CYP39A1: variants seen among roughly 807,000 people sequenced by gnomAD.
CYP39A1 encodes the protein cytochrome P450 family 39 subfamily A member 1, also known as 24-hydroxycholesterol 7-alpha-hydroxylase.
A neutral mutation model predicts 58.1 loss-of-function variants in CYP39A1; 49 were observed. The ratio of observed to expected loss-of-function variants is 0.84; its 90% CI spans 0.67 to 1.07. The LOEUF is 1.07. Ranked by LOEUF, CYP39A1 falls within the 50% of genes least tolerant of loss-of-function variation. CYP39A1 has a pLI of 0.00. For synonymous variants in CYP39A1, 209 were observed against 187.6 expected (o/e 1.11, Z -0.93); for missense variants, 531 against 539.4 (o/e 0.98, Z 0.16).
chr6:46,576,197 G>A (rs1303746232), intron 10 of CYP39A1, among the ~76,000 whole-genome samples: 1 of 152,156 alleles, frequency 6.6e-6, no homozygotes, highest in African/African-American at 2.4e-5. Flanking sequence ...ACAGAGCCAA[G>A]AGGGATGGTA....
At chr6:46,551,353 AC>A in intron 11 of CYP39A1, among the ~76,000 whole-genome samples, 1 of 143,680 alleles carries the variant, frequency 7.0e-6, no homozygotes, top group Admixed American at 7.0e-5. Flanking sequence ...GGTTCTATGA[AC>A]CCCAAAAGTA....
At chr6:46,575,327 T>C (rs746869075) in intron 10 of CYP39A1, among the ~76,000 whole-genome samples, 1 of 152,212 alleles carries the variant, frequency 6.6e-6, no homozygotes. Flanking sequence ...TAGCCTTTGT[T>C]AGCTGCTGGA....
intron 10 of CYP39A1, among the ~76,000 whole-genome samples, chr6:46,559,237 G>T (rs1269385154): frequency 6.6e-6 from 1 of 152,136 alleles, no homozygotes; most frequent in Non-Finnish European, 1.5e-5. Context: ...TACTCAGACT[G>T]AGAAATGACC....
intron 7 of CYP39A1, among the ~76,000 whole-genome samples, chr6:46,598,980 C>T (rs1773333263): frequency 6.6e-6 from 1 of 152,178 alleles, no homozygotes; most frequent in African/African-American, 2.4e-5. Flanking sequence ...CCACACCTTC[C>T]TATCTACTTT....
Position 46,652,655 on chromosome 6 carries a change from G to T in CYP39A1, c.-73C>A. 7.1e-7 allele frequency: 1 copy of T among 1,416,242 alleles called. No homozygotes were observed. The highest frequency in any genetic ancestry group is 9.4e-7 in the Non-Finnish European group (1 of 1,060,936). The allele number at this position is 1,416,242 out of a possible 1,614,324, so 87.7% of individuals were successfully genotyped here. A position where few individuals can be genotyped will look rare whatever the true frequency, so the allele number is the denominator to read the frequency against. ...GCCGTCCCTTGCTTCTTTTCTGTGG[G>T]CTACGGAACCTGTCGGGACTCCCAA... On this transcript the variant is annotated 5_prime_UTR_variant, in exon 1 of 12. Transcript: ENST00000275016.
chr6:46,625,325 A>AT, intron 7 of CYP39A1, 93 bp downstream of exon 7: 1 of 879,716 alleles, frequency 1.1e-6, no homozygotes, highest in Non-Finnish European at 1.7e-6. Flanking sequence ...ATTATGTTGA[A>AT]TTTTTATAAA....
At chr6:46,639,696 A>G in intron 2 of CYP39A1, 28 bp from the exon 3 acceptor site, 1 of 1,578,582 alleles carries the variant, frequency 6.3e-7, no homozygotes, top group East Asian at 2.3e-5. Flanking sequence ...TATTTTCAAA[A>G]TAAGCAACAA....
chr6:46,617,397 TC>T (rs1774676394), intron 7 of CYP39A1, among the ~76,000 whole-genome samples: 1 of 152,128 alleles, frequency 6.6e-6, no homozygotes, highest in Admixed American at 6.5e-5. Context: ...AGATTGTGAT[TC>T]TGCATGCAAA....
chr6:46,550,563 G>T, intron 11 of CYP39A1, 126 bp from the exon 12 acceptor site: 1 of 701,826 alleles, frequency 1.4e-6, no homozygotes, highest in Non-Finnish European at 2.3e-6. Context: ...GTTGGGAAAT[G>T]TTTGCATCAA....
At chr6:46,618,691 A>T (rs1774766928) in intron 7 of CYP39A1, among the ~76,000 whole-genome samples, 1 of 151,234 alleles carries the variant, frequency 6.6e-6, no homozygotes, top group Admixed American at 6.6e-5. Flanking sequence ...TGTATTACGT[A>T]TTTTTTTTTA....
intron 8 of CYP39A1, among the ~76,000 whole-genome samples, chr6:46,589,101 AT>A (rs1449321043): frequency 6.6e-6 from 1 of 152,164 alleles, no homozygotes; most frequent in African/African-American, 2.4e-5. Flanking sequence ...TCCTCAAGAT[AT>A]TTGAAAAACT....
At chr6:46,602,192 G>A (rs890121087) in intron 7 of CYP39A1, among the ~76,000 whole-genome samples, 7 of 152,160 alleles carry the variant, frequency 4.6e-5, no homozygotes, top group Non-Finnish European at 5.9e-5. Context: ...GTCTAAAATG[G>A]TGGAAGGTGA....
chr6:46,652,484 C>G lies in CYP39A1; in HGVS notation c.99G>C (p.Lys33Asn). ...RKNLRRPPCIKGWIPWIGVGF... is the reference protein window; with the variant it reads ...RKNLRRPPCINGWIPWIGVGF... ...CAACTCCAATCCAAGGAATCCAGCCCTTGATGCACGGGGGTCTACGCAAAT... is the reference window on the plus strand; with the variant it reads ...CAACTCCAATCCAAGGAATCCAGCCGTTGATGCACGGGGGTCTACGCAAAT... The change falls in exon 1 of 12, where the codon AAG (lysine) becomes AAC (asparagine). Residue 33 changes from lysine (K) to asparagine (N), a missense_variant. Transcript: ENST00000275016. 6.2e-7 allele frequency: 1 copy of G among 1,613,976 alleles called. No individual in the cohort carries two copies. Among genetic ancestry groups the G allele is most frequent in the Non-Finnish European group, 8.5e-7 (1 of 1,179,964 alleles).
At chr6:46,642,797 C>T (rs1190211586) in intron 1 of CYP39A1, among the ~76,000 whole-genome samples, 4 of 152,162 alleles carry the variant, frequency 2.6e-5, no homozygotes, top group Non-Finnish European at 4.4e-5. Context: ...TTCACCTGTA[C>T]AACCTGCCCA....
chr6:46,602,493 C>T (rs1432127477), intron 7 of CYP39A1, among the ~76,000 whole-genome samples: 1 of 151,856 alleles, frequency 6.6e-6, no homozygotes, highest in Non-Finnish European at 1.5e-5. Flanking sequence ...TACTGATGCT[C>T]TTGGTCCAGG....
At chr6:46,614,824 T>C (rs2150555034) in intron 7 of CYP39A1, among the ~76,000 whole-genome samples, 1 of 152,280 alleles carries the variant, frequency 6.6e-6, no homozygotes, top group Admixed American at 6.5e-5. Context: ...GAAGGATGCA[T>C]AGCCAGGAAT....
In CYP39A1 at chr6:46,588,108, C is replaced by A; in HGVS notation, c.1087G>T (p.Asp363Tyr). The part of the protein sequence containing the change: ...EILNYIIPSG[D>Y]LLMLSPFWLH... Reference sequence around the variant, plus strand: ...CAAAATGGAGACAACATCAACAAGTCACCAGAAGGAATGATGTAATTCTAT... The same window carrying A: ...CAAAATGGAGACAACATCAACAAGTAACCAGAAGGAATGATGTAATTCTAT... Residue 363 changes from aspartate (D) to tyrosine (Y), a missense_variant, in exon 9 of 12, where the codon GAC (aspartate) becomes TAC (tyrosine). Physicochemically the swap from Asp to Tyr is radical, Grantham distance 160. Coordinates refer to ENST00000275016, the MANE Select transcript of CYP39A1 (RefSeq NM_016593.5). 6.3e-7 allele frequency: 1 copy of A among 1,595,090 alleles called. No homozygotes were observed.
intron 10 of CYP39A1, among the ~76,000 whole-genome samples, chr6:46,570,493 T>C (rs921154917): frequency 2.0e-5 from 3 of 152,166 alleles, no homozygotes; most frequent in Non-Finnish European, 4.4e-5. Flanking sequence ...TAGAACTGTG[T>C]TTGATGCATT....
At chr6:46,598,436 G>A (rs1046414703) in intron 7 of CYP39A1, among the ~76,000 whole-genome samples, 1 of 152,132 alleles carries the variant, frequency 6.6e-6, no homozygotes, top group Non-Finnish European at 1.5e-5. Context: ...CATAATCTAT[G>A]AGTAGTTATT....
Sources: gnomAD v4.1 joint callset for allele counts (sites outside exome capture counted in the v4.1 genomes callset) on GRCh38, gnomAD v4.1.1 for gene constraint, MANE v1.5 for transcripts, NCBI Gene and HGNC (gene_info 2026-07-23, HGNC 2026-07-21) for gene names.